PGM3: variants seen among roughly 807,000 people sequenced by gnomAD.
PGM3 encodes the protein phosphoglucomutase 3, also known as phosphoacetylglucosamine mutase.
In PGM3, 40 loss-of-function variants were observed where a neutral mutation model predicts 66.2. The observed-to-expected ratio is 0.60, with a 90% CI of 0.47 to 0.79. The LOEUF (loss-of-function observed/expected upper bound fraction) is 0.79, where lower values mean the gene tolerates loss of function less well. PGM3 is among the 30% of genes least tolerant of loss of function. The pLI is 0.00. For synonymous variants in PGM3, 191 were observed against 224.2 expected, an observed-to-expected ratio of 0.85 and a Z score of 1.32; for missense variants, 537 against 643.4, an observed-to-expected ratio of 0.83 and a Z score of 1.79.
intron 10 of PGM3, 142 bp downstream of exon 10, chr6:83,174,232 T>C: frequency 1.7e-6 from 1 of 596,698 alleles, no homozygotes; most frequent in Non-Finnish European, 3.0e-6. Context: ...ATTATAAATC[T>C]CAACTGAATA....
In PGM3 at chr6:83,165,652, G is replaced by A; in HGVS notation, c.*3582C>T. On this transcript the variant is annotated 3_prime_UTR_variant, in exon 13 of 13. Coordinates refer to ENST00000513973, the MANE Select transcript of PGM3 (RefSeq NM_015599.3). ...TGCTAGTTGTGGAAGCAATTTCCCT[G>A]CAAAACGTTGCTGAGATGCCTAAAG... 1 of 202,274 alleles carries A rather than the reference G, an allele frequency of 4.9e-6. No homozygotes were observed. The highest frequency in any genetic ancestry group is 1.1e-5 in the Non-Finnish European group (1 of 94,584). 12.5% of individuals were successfully genotyped at this position (202,274 alleles called of 1,614,324 possible). A position where few individuals can be genotyped will look rare whatever the true frequency, so the allele number is the denominator to read the frequency against.
intron 6 of PGM3, among the ~76,000 whole-genome samples, 158 bp from the exon 7 acceptor site, chr6:83,180,125 G>A (rs1247605143): frequency 2.0e-5 from 3 of 152,004 alleles, no homozygotes; most frequent in Non-Finnish European, 4.4e-5. Flanking sequence ...GGTTTTTACA[G>A]GTCAAATTCT....
In PGM3 at chr6:83,168,191, C is replaced by T; in HGVS notation, c.*1043G>A. 2 of 1,592,510 alleles carry T rather than the reference C, an allele frequency of 1.3e-6. No homozygotes were observed. Among genetic ancestry groups the T allele is most frequent in the Non-Finnish European group, 1.7e-6 (2 of 1,171,468 alleles). ...GAGCACCATTGCTGGTTCCATTTAGCTTACATGTAAATGTAATTATTTAAA... is the reference window on the plus strand; with the variant it reads ...GAGCACCATTGCTGGTTCCATTTAGTTTACATGTAAATGTAATTATTTAAA... On this transcript the variant is annotated 3_prime_UTR_variant, in exon 13 of 13. Transcript: ENST00000513973.
downstream of PGM3, among the ~76,000 whole-genome samples, chr6:83,156,831 A>AT (rs1452001947): frequency 3.9e-5 from 6 of 152,036 alleles, no homozygotes; most frequent in African/African-American, 9.6e-5. Context: ...TGTCCCTACA[A>AT]TTTTTTTTGT....
chr6:83,175,827 A>T (rs1350575870), intron 9 of PGM3, 135 bp downstream of exon 9: 1 of 581,234 alleles, frequency 1.7e-6, no homozygotes, highest in East Asian at 2.8e-5. Context: ...AATATATAAG[A>T]TAACCAAAGG....
At chr6:83,153,336 T>C in the PGM3 span, 2 of 446,320 alleles carry the variant, frequency 4.5e-6, no homozygotes, top group East Asian at 7.5e-5. Flanking sequence ...AGTAACAATG[T>C]ACAAAAAAGC....
chr6:83,181,820 G>C lies in PGM3; in HGVS notation c.703C>G (p.Gln235Glu), dbSNP rs774767366. The change falls in exon 6 of 13, where the codon CAG becomes GAG. Residue 235 changes from glutamine (Q) to glutamate (E), a missense_variant. Gln to Glu is a conservative substitution (Grantham distance 29). Coordinates refer to ENST00000513973, the MANE Select transcript of PGM3 (RefSeq NM_015599.3). ...CCCTTGGACCCATCATTAAACAGCT[G>C]AACTGACAGGCCCTGTGAGAAGTAG... ...EHYFSQGLSV[Q>E]LFNDGSKGKL... The C allele has an allele frequency of 1.1e-5, 17 of 1,613,832 alleles. 1 individual carries two copies. The highest frequency in any genetic ancestry group is 1.4e-5 in the Non-Finnish European group (16 of 1,179,888).
At position 83,168,436 on chromosome 6, in the gene PGM3, A is replaced by C. The variant is rs1325048201; in HGVS notation, c.*798T>G. On this transcript the variant is annotated 3_prime_UTR_variant, in exon 13 of 13. Coordinates refer to ENST00000513973, the MANE Select transcript of PGM3 (RefSeq NM_015599.3). ...TGTTTTTATTGTCCTGAGTTGTCTT[A>C]AACCTGCAAAATATACACTACCCAT... 8.9e-7 allele frequency: 1 copy of C among 1,121,624 alleles called. No homozygotes were observed. Among genetic ancestry groups the C allele is most frequent in the African/African-American group, 1.6e-5 (1 of 61,318 alleles). The allele number at this position is 1,121,624 out of a possible 1,614,324, so 69.5% of individuals were successfully genotyped here.
At chr6:83,172,166 T>C in intron 10 of PGM3, 107 bp from the exon 11 acceptor site, 1 of 1,104,114 alleles carries the variant, frequency 9.1e-7, no homozygotes. Context: ...ACAACCTGAA[T>C]CTGAAACATG....
Position 83,172,613 on chromosome 6 carries a change from T to A in PGM3, c.1243-554A>T, listed in dbSNP as rs1414657563. Among the ~76,000 whole-genome samples, 5 of 151,086 alleles carry A rather than the reference T, an allele frequency of 3.3e-5. No individual in the cohort carries two copies. In the East Asian group the frequency reaches 7.8e-4, roughly 24 times the overall value. On this transcript the variant is annotated intron_variant, in intron 10 of 12. Coordinates refer to ENST00000513973, the MANE Select transcript of PGM3 (RefSeq NM_015599.3). ...GGCAGAGGTTGCAGTGAGCCAAGAT[T>A]GCGCCACTGCACTCCAGCGTGGGCA...
At chr6:83,151,950 G>T in the PGM3 span, 1 of 1,613,854 alleles carries the variant, frequency 6.2e-7, no homozygotes, top group Non-Finnish European at 8.5e-7. Flanking sequence ...CAGACAACAT[G>T]GCTGCGACGA....
Position 83,187,026 on chromosome 6 carries a change from G to A in PGM3, c.439C>T (p.Leu147=), listed in dbSNP as rs142142489. ...TACATACCATGGAATTGACCTCCTAGAACAGTCACACCATCTATTACAGAT... is the reference window on the plus strand; with the variant it reads ...TACATACCATGGAATTGACCTCCTAAAACAGTCACACCATCTATTACAGAT... The part of the protein sequence containing the change: ...SQSVIDGVTV[L]GGQFHDYGLL... The change falls in exon 4 of 13, where the codon CTA becomes TTA. Residue 147 remains leucine, a synonymous_variant. Transcript: ENST00000513973. 46 of 1,594,956 alleles carry A rather than the reference G, an allele frequency of 2.9e-5. No individual in the cohort carries two copies. In the African/African-American group the frequency reaches 4.2e-4, roughly 14 times the overall value.
At chr6:83,150,902 T>C in the PGM3 span, among the ~76,000 whole-genome samples, 4 of 152,186 alleles carry the variant, frequency 2.6e-5, no homozygotes, top group Admixed American at 6.5e-5. Flanking sequence ...CATACCACTA[T>C]ATCATTACAA....
downstream of PGM3, among the ~76,000 whole-genome samples, chr6:83,159,215 G>C (rs1783602501): frequency 6.6e-6 from 1 of 152,072 alleles, no homozygotes; most frequent in Non-Finnish European, 1.5e-5. Context: ...CAGAAACTGA[G>C]TAAAAAAGTT....
the PGM3 span, chr6:83,153,948 TG>T: frequency 1.2e-6 from 2 of 1,614,060 alleles, no homozygotes; most frequent in Non-Finnish European, 1.7e-6. Flanking sequence ...GCAGTCTTAG[TG>T]GGTATCAGTA....
chr6:83,156,849 G>A (rs190924422), downstream of PGM3, among the ~76,000 whole-genome samples: 29 of 151,950 alleles, frequency 1.9e-4, no homozygotes, highest in Admixed American at 1.6e-3. Flanking sequence ...TGTTTAAGTT[G>A]ACTAGATCAG....
In PGM3 at chr6:83,166,108, CATAGA is replaced by C. The variant is rs1283655964; in HGVS notation, c.*3121_*3125del. The C allele has an allele frequency of 1.2e-5, 5 of 410,814 alleles. No individual in the cohort carries two copies. The South Asian group carries it at 1.7e-4, about 14-fold the overall frequency. 25.4% of individuals were successfully genotyped at this position (410,814 alleles called of 1,614,324 possible). On this transcript the variant is annotated 3_prime_UTR_variant, in exon 13 of 13. Transcript: ENST00000513973. ...ATAGAGAAATGATTCATTATTGTTG[CATAGA>C]ATAGAGAAAATGACACTTCAAAACA...
At chr6:83,175,223 C>T (rs1787670551) in intron 9 of PGM3, among the ~76,000 whole-genome samples, 1 of 152,160 alleles carries the variant, frequency 6.6e-6, no homozygotes, top group Admixed American at 6.5e-5. Context: ...TGTAAGAGAC[C>T]TTATGGCCTG....
At chr6:83,191,303 C>T (rs972339859) in intron 1 of PGM3, 2 of 1,379,216 alleles carry the variant, frequency 1.5e-6, no homozygotes, top group Non-Finnish European at 2.0e-6. Context: ...GCCGGGCACA[C>T]TTAAATTGGT....
Sources: allele counts gnomAD v4.1 joint callset (sites outside exome capture counted in the v4.1 genomes callset), GRCh38; gene constraint gnomAD v4.1.1; transcripts MANE v1.5; gene names NCBI Gene and HGNC (gene_info 2026-07-23, HGNC 2026-07-21).